KIF3B: variants seen among roughly 807,000 people sequenced by gnomAD.
KIF3B encodes kinesin-like protein KIF3B.
KIF3B carries 38 observed loss-of-function variants against 74.3 expected under a neutral mutation model. The observed-to-expected ratio is 0.51, with a 90% CI of 0.39 to 0.67. KIF3B has a LOEUF of 0.67. Among genes scored for constraint, KIF3B ranks in the 30% least tolerant of loss-of-function variants. The probability of loss-of-function intolerance (pLI) is 0.00; values close to 1 mark genes in which losing one functional copy is unlikely to be tolerated. For synonymous variants in KIF3B, 326 were observed against 342.5 expected (o/e 0.95, Z 0.53); for missense variants, 649 against 932.0 (o/e 0.70, Z 3.95).
At chr20:32,327,893 G>A (rs2122718611) in intron 7 of KIF3B, among the ~76,000 whole-genome samples, 1 of 152,230 alleles carries the variant, frequency 6.6e-6, no homozygotes. Flanking sequence ...TGATTCCCAG[G>A]AGTTTGAGAC....
intron 1 of KIF3B, among the ~76,000 whole-genome samples, chr20:32,306,237 A>C (rs2047770455): frequency 6.7e-6 from 1 of 149,294 alleles, no homozygotes; most frequent in Admixed American, 6.7e-5. Context: ...TACTAAATAT[A>C]CGAAAAAGAT....
intron 5 of KIF3B, among the ~76,000 whole-genome samples, chr20:32,318,544 T>C (rs1014629454): frequency 1.3e-5 from 2 of 152,164 alleles, no homozygotes; most frequent in African/African-American, 4.8e-5. Flanking sequence ...CTCATATAAA[T>C]GGAATCACAC....
At chr20:32,281,908 G>T (rs6087860) in intron 1 of KIF3B, among the ~76,000 whole-genome samples, 4,139 of 152,192 alleles carry the variant, frequency 0.027, 74 homozygotes, top group East Asian at 0.053. Flanking sequence ...GCTTACAATG[G>T]CAGGGACAGG....
chr20:32,322,836 T>G (rs1225474137), intron 5 of KIF3B, among the ~76,000 whole-genome samples: 1 of 63,066 alleles, frequency 1.6e-5, no homozygotes, highest in Non-Finnish European at 2.3e-5. Flanking sequence ...ATGTATATTT[T>G]TATATATTTA....
At chr20:32,302,574 C>T (rs1227830426) in intron 1 of KIF3B, among the ~76,000 whole-genome samples, 9 of 152,128 alleles carry the variant, frequency 5.9e-5, no homozygotes, top group African/African-American at 1.4e-4. Context: ...CGGACAGCTC[C>T]GCCTTCTCAG....
rs1429042736 is a variant in KIF3B at position 32,331,262 on chromosome 20, C to T, written c.2187C>T (p.Ser729=). The change falls in exon 9 of 9, where the codon TCC becomes TCT. Residue 729 remains serine (S), a synonymous_variant. Transcript: ENST00000375712. The part of the protein sequence containing the change: ...SGRKSGSSSS[S]SGTPASQLYP... The stretch of plus-strand genomic sequence containing the variant: ...GGAAGTCGGGATCCTCCTCCTCTTC[C>T]TCAGGAACCCCTGCATCTCAGCTTT... The T allele has an allele frequency of 6.2e-7, 1 of 1,613,430 alleles. No homozygotes were observed. The highest frequency in any genetic ancestry group is 8.5e-7 in the Non-Finnish European group (1 of 1,179,884).
intron 1 of KIF3B, among the ~76,000 whole-genome samples, chr20:32,284,393 A>G (rs1356306732): frequency 1.3e-5 from 2 of 152,202 alleles, no homozygotes; most frequent in Non-Finnish European, 2.9e-5. Context: ...TGTTTTTGTC[A>G]GTAATATTGA....
chr20:32,280,638 CG>C (rs1364890049), intron 1 of KIF3B, among the ~76,000 whole-genome samples: 11 of 138,946 alleles, frequency 7.9e-5, no homozygotes, highest in Non-Finnish European at 1.4e-4. Flanking sequence ...TGGCGTGAAC[CG>C]GGGAGGTGGA....
Position 32,331,565 on chromosome 20 carries a change from G to A in KIF3B, c.*246G>A. On this transcript the variant is annotated 3_prime_UTR_variant, in exon 9 of 9. Coordinates refer to ENST00000375712, the MANE Select transcript of KIF3B (RefSeq NM_004798.4). ...TGCATGGGTAAGGTAAAGTGCGATA[G>A]TTCAAGTGGAAAGCAAGAGAATGAC... 2.0e-6 allele frequency: 1 copy of A among 496,334 alleles called. No homozygotes were observed. Among genetic ancestry groups the A allele is most frequent in the Non-Finnish European group, 3.5e-6 (1 of 284,758 alleles). 30.7% of individuals were successfully genotyped at this position (496,334 alleles called of 1,614,324 possible). A position where few individuals can be genotyped will look rare whatever the true frequency, so the allele number is the denominator to read the frequency against.
chr20:32,322,212 T>C (rs1241317131), intron 5 of KIF3B, among the ~76,000 whole-genome samples: 1 of 152,174 alleles, frequency 6.6e-6, no homozygotes, highest in Non-Finnish European at 1.5e-5. Context: ...TTTCAGTGTA[T>C]AATTCTTACA....
chr20:32,320,693 T>A (rs1185560463), intron 5 of KIF3B, among the ~76,000 whole-genome samples: 1 of 152,070 alleles, frequency 6.6e-6, no homozygotes, highest in Admixed American at 6.6e-5. Context: ...TTTTTTAAAA[T>A]TTTTTCATAA....
chr20:32,297,781 A>C (rs2047723196), intron 1 of KIF3B, among the ~76,000 whole-genome samples: 1 of 151,916 alleles, frequency 6.6e-6, no homozygotes, highest in Non-Finnish European at 1.5e-5. Flanking sequence ...AGATATTCCC[A>C]TGTTTCCAGA....
At chr20:32,307,685 T>G in intron 1 of KIF3B, among the ~76,000 whole-genome samples, 1 of 152,068 alleles carries the variant, frequency 6.6e-6, no homozygotes. Flanking sequence ...AGAAAAGGTT[T>G]TTTTGGGAGG....
At chr20:32,323,110 A>T (rs1201553056) in intron 5 of KIF3B, among the ~76,000 whole-genome samples, 2 of 95,072 alleles carry the variant, frequency 2.1e-5, no homozygotes, top group Non-Finnish European at 4.2e-5. Context: ...ATTTATATAT[A>T]TTTATATATT....
At chr20:32,316,357 T>C (rs771568492) in intron 3 of KIF3B, 38 bp downstream of exon 3, 1 of 1,541,276 alleles carries the variant, frequency 6.5e-7, no homozygotes, top group Non-Finnish European at 9.0e-7. Flanking sequence ...ATGGGTGAGG[T>C]AAGGTGTGTT....
Position 32,292,583 on chromosome 20 carries a change from GAA to G in KIF3B, c.-66+14840_-66+14841del, listed in dbSNP as rs71185398. On this transcript the variant is annotated intron_variant, in intron 1 of 8. Coordinates refer to ENST00000375712, the MANE Select transcript of KIF3B (RefSeq NM_004798.4). ...TGAAACCTCGTCTCTACTAAAAATA[GAA>G]AAAAAAAAAAAAAAAAAAAAAGAAA... 6.9e-3 allele frequency among the ~76,000 whole-genome samples: 494 copies of G among 71,838 alleles called. 2 individuals are homozygous for G. The highest frequency in any genetic ancestry group is 0.018 in the African/African-American group (390 of 21,160). The allele number at this position is 71,838 out of a possible 152,430, so 47.1% of individuals were successfully genotyped here. A position where few individuals can be genotyped will look rare whatever the true frequency, so the allele number is the denominator to read the frequency against.
At chr20:32,295,414 T>C (rs1173288381) in intron 1 of KIF3B, among the ~76,000 whole-genome samples, 2 of 151,750 alleles carry the variant, frequency 1.3e-5, no homozygotes, top group African/African-American at 4.8e-5. Context: ...TGCCTCAGCC[T>C]CCTGAATAGC....
At chr20:32,300,705 C>A (rs555612772) in intron 1 of KIF3B, among the ~76,000 whole-genome samples, 1 of 152,070 alleles carries the variant, frequency 6.6e-6, no homozygotes. Flanking sequence ...TGAGCCACTG[C>A]ATCCAGCCTG....
intron 1 of KIF3B, among the ~76,000 whole-genome samples, chr20:32,299,609 G>A (rs933852989): frequency 4.4e-4 from 67 of 150,684 alleles, no homozygotes; most frequent in African/African-American, 1.6e-3. Flanking sequence ...AGAGGGTTTC[G>A]CCATGTTGGC....
Sources: gnomAD v4.1 joint callset for allele counts (sites outside exome capture counted in the v4.1 genomes callset) on GRCh38, gnomAD v4.1.1 for gene constraint, MANE v1.5 for transcripts, NCBI Gene and HGNC (gene_info 2026-07-23, HGNC 2026-07-21) for gene names.